KIF23: variants seen among roughly 807,000 people sequenced by gnomAD.
KIF23 encodes the protein kinesin family member 23.
KIF23 carries 30 observed loss-of-function variants against 137.5 expected under a neutral mutation model. The observed-to-expected ratio is 0.22, with a 90% confidence interval of 0.16 to 0.30. The LOEUF is 0.30. Ranked by LOEUF, KIF23 falls within the 10% of genes least tolerant of loss-of-function variation. The probability of loss-of-function intolerance (pLI) is 1.00; values close to 1 mark genes in which losing one functional copy is unlikely to be tolerated. For missense variants in KIF23, 920 were observed against 1,194.3 expected (o/e 0.77, Z 3.38); for synonymous variants, 367 against 391.1 (o/e 0.94, Z 0.73).
At chr15:69,438,498 T>C (rs1397621450) in intron 16 of KIF23, 93 bp downstream of exon 16, 4 of 1,235,324 alleles carry the variant, frequency 3.2e-6, no homozygotes, top group Non-Finnish European at 4.4e-6. Context: ...CTGTAAATGC[T>C]GCTTATTAAG....
chr15:69,416,483 G>A (rs1022885002), intron 2 of KIF23, among the ~76,000 whole-genome samples: 1 of 152,144 alleles, frequency 6.6e-6, no homozygotes, highest in Non-Finnish European at 1.5e-5. Flanking sequence ...CAGGCAAAAA[G>A]AATAAGAATT....
intron 1 of KIF23, chr15:69,414,751 T>C (rs1401581099): frequency 5.4e-6 from 2 of 373,744 alleles, no homozygotes; most frequent in Non-Finnish European, 9.5e-6. Flanking sequence ...GGGGTTGTTT[T>C]ACGCCGCACC....
At chr15:69,415,948 G>A in intron 1 of KIF23, 46 bp from the exon 2 acceptor site, 1 of 1,357,942 alleles carries the variant, frequency 7.4e-7, no homozygotes. Context: ...TTGTATTCGT[G>A]TTGAACTGAA....
In KIF23 at chr15:69,415,981, A is replaced by G; in HGVS notation, c.12-13A>G. Reference sequence around the variant, plus strand: ...GAAAAAAAAGTTATTATTATTTTTTAATCTATGACCAGGAGAGCTAAGACA... The same window carrying G: ...GAAAAAAAAGTTATTATTATTTTTTGATCTATGACCAGGAGAGCTAAGACA... On this transcript the variant is annotated splice_polypyrimidine_tract_variant and intron_variant, in intron 1 of 23. Transcript: ENST00000679126. The G allele has an allele frequency of 6.4e-6, 10 of 1,553,706 alleles. No homozygotes were observed. Among genetic ancestry groups the G allele is most frequent in the Non-Finnish European group, 8.6e-6 (10 of 1,157,396 alleles).
At position 69,440,993 on chromosome 15, in the gene KIF23, A is replaced by G; in HGVS notation, c.2335A>G (p.Arg779Gly). 6.2e-7 allele frequency: 1 copy of G among 1,614,236 alleles called. No individual in the cohort carries two copies. Among genetic ancestry groups the G allele is most frequent in the Admixed American group, 1.7e-5 (1 of 60,022 alleles). The change falls in exon 19 of 24, where the codon AGG (arginine) becomes GGG (glycine). Residue 779 changes from arginine to glycine, a missense_variant. Arg to Gly is a moderately radical substitution (Grantham distance 125). Around this residue, in one of 4 missense-constraint regions of KIF23, gnomAD observed 714 missense variants for 866.2 expected, o/e 0.82. Coordinates refer to ENST00000679126, the MANE Select transcript of KIF23 (RefSeq NM_001367805.3). ...CAAAACTTGTATCGTGTCAGACAGA[A>G]GGCGAGGGATGTACTGGACTGAAGG... ...QSKTCIVSDR[R>G]RGMYWTEGRE...
At chr15:69,426,635 C>T (rs369680585) in intron 10 of KIF23, 178 bp downstream of exon 10, 6 of 622,446 alleles carry the variant, frequency 9.6e-6, no homozygotes, top group South Asian at 6.0e-5. Flanking sequence ...GCAGGAGGAT[C>T]GCTTGAACCT....
chr15:69,447,396 T>C (rs1424036309), intron 23 of KIF23, among the ~76,000 whole-genome samples: 1 of 152,204 alleles, frequency 6.6e-6, no homozygotes, highest in Non-Finnish European at 1.5e-5. Flanking sequence ...GAAGGAATCA[T>C]ACCTTTTCTT....
chr15:69,446,428 C>A, intron 22 of KIF23, 64 bp downstream of exon 22: 1 of 1,283,002 alleles, frequency 7.8e-7, no homozygotes, highest in Non-Finnish European at 1.1e-6. Flanking sequence ...TTAAACCCCA[C>A]AGCTCTAGAT....
chr15:69,435,919 T>C (rs1174623515), intron 13 of KIF23, 148 bp downstream of exon 13: 1 of 1,246,554 alleles, frequency 8.0e-7, no homozygotes, highest in African/African-American at 1.5e-5. Context: ...TGGTGGCTTA[T>C]GCTTATAATC....
chr15:69,427,541 T>G (rs2057231555), intron 10 of KIF23: 1 of 442,950 alleles, frequency 2.3e-6, no homozygotes, highest in African/African-American at 2.0e-5. Context: ...TGTCAGTAAT[T>G]CATTTTTCAG....
intron 11 of KIF23, chr15:69,434,896 C>T (rs1357263672): frequency 9.8e-6 from 7 of 715,964 alleles, no homozygotes; most frequent in Non-Finnish European, 1.7e-5. Flanking sequence ...TTGCCCATCA[C>T]CATGCCCAGC....
intron 13 of KIF23, 67 bp from the exon 14 acceptor site, chr15:69,436,071 C>T: frequency 6.4e-7 from 1 of 1,571,806 alleles, no homozygotes; most frequent in Non-Finnish European, 8.7e-7. Flanking sequence ...ATCTTTGCTT[C>T]ATTTAGTAAT....
At chr15:69,415,586 G>A (rs1330017572) in intron 1 of KIF23, among the ~76,000 whole-genome samples, 1 of 152,202 alleles carries the variant, frequency 6.6e-6, no homozygotes, top group East Asian at 1.9e-4. Flanking sequence ...AAGTACAGGC[G>A]TAACCCTTGA....
At chr15:69,433,830 ATG>A in intron 11 of KIF23, among the ~76,000 whole-genome samples, 1 of 152,154 alleles carries the variant, frequency 6.6e-6, no homozygotes. Context: ...CTCAGAATCG[ATG>A]GGTCAGGGTA....
intron 10 of KIF23, among the ~76,000 whole-genome samples, chr15:69,428,342 C>A (rs2057258623): frequency 6.6e-6 from 1 of 151,928 alleles, no homozygotes; most frequent in Admixed American, 6.6e-5. Context: ...TTCGGTACCA[C>A]TTGACTTTCA....
intron 16 of KIF23, 58 bp downstream of exon 16, chr15:69,438,463 G>A (rs1387321047): frequency 6.7e-7 from 1 of 1,485,122 alleles, no homozygotes; most frequent in Non-Finnish European, 9.1e-7. Context: ...ACTGTTCTCT[G>A]AGGGAGATAT....
In KIF23 at chr15:69,446,091, G is replaced by C; in HGVS notation, c.2756G>C (p.Gly919Ala). 1.2e-6 allele frequency: 2 copies of C among 1,610,682 alleles called. No individual in the cohort carries two copies. Among genetic ancestry groups the C allele is most frequent in the South Asian group, 2.2e-5 (2 of 90,984 alleles). Residue 919 changes from glycine (G) to alanine (A), a missense_variant and splice_region_variant, in exon 21 of 24, where the codon GGT becomes GCT. Coordinates refer to ENST00000679126, the MANE Select transcript of KIF23 (RefSeq NM_001367805.3). ...IETLKQESPNGSRKRRSSTVA... is the reference protein window; with the variant it reads ...IETLKQESPNASRKRRSSTVA... ...ACTTTAAAGCAAGAATCACCAAATG[G>C]GTAAGTAACCATCAAAAATCTCTGT...
At position 69,428,145 on chromosome 15, in the gene KIF23, T is replaced by C. The variant is rs143548479; in HGVS notation, c.1012-966T>C. ...AGTGGCGCATGCCTGTAGTCCCAGC[T>C]ACTCGGGACTGAGGCAGGAGAATTG... On this transcript the variant is annotated intron_variant, in intron 10 of 23. Transcript: ENST00000679126. Among the ~76,000 whole-genome samples, 245 of 152,034 alleles carry C rather than the reference T, an allele frequency of 1.6e-3. 1 individual carries two copies. The highest frequency in any genetic ancestry group is 4.3e-3 in the African/African-American group (179 of 41,458).
At chr15:69,439,865 T>C in intron 16 of KIF23, 39 bp from the exon 17 acceptor site, 1 of 1,461,706 alleles carries the variant, frequency 6.8e-7, no homozygotes, top group Non-Finnish European at 9.4e-7. Context: ...ATGAAATGTT[T>C]ATATACCAAA....
Sources: allele counts gnomAD v4.1 joint callset (sites outside exome capture counted in the v4.1 genomes callset), GRCh38; gene constraint gnomAD v4.1.1; regional missense constraint gnomAD v4.1.1; transcripts MANE v1.5; gene names NCBI Gene and HGNC (gene_info 2026-07-23, HGNC 2026-07-21).